Variants in S100A3 observed in about 807,000 individuals in gnomAD.
S100A3 encodes protein S100-A3.
A neutral mutation model predicts 8.0 loss-of-function variants in S100A3; 11 were observed. That is an observed-to-expected ratio of 1.37 (90% CI 0.86 to 2.27). The LOEUF is 2.27. Among genes scored for constraint, S100A3 ranks in the 30% most tolerant of loss-of-function variants. S100A3 has a pLI of 0.00. For missense variants in S100A3, 124 were observed against 127.1 expected (o/e 0.98, Z 0.12); for synonymous variants, 43 against 49.6 (o/e 0.87, Z 0.56).
At chr1:153,548,740 C>A (rs1352914696) in intron 1 of S100A3, among the ~76,000 whole-genome samples, 1 of 152,158 alleles carries the variant, frequency 6.6e-6, no homozygotes, top group Admixed American at 6.5e-5. Context: ...GCTGTAAACT[C>A]CTCAGAGAGA....
At position 153,548,386 on chromosome 1, in the gene S100A3, G is replaced by A. The variant is rs1277800411; in HGVS notation, c.100C>T (p.Leu34Phe). The A allele has an allele frequency of 1.2e-6, 2 of 1,613,908 alleles. No homozygotes were observed. The highest frequency in any genetic ancestry group is 2.2e-5 in the South Asian group (2 of 91,078). ...AGCTCCTTCTGCAGCAGCTCCTTGAGCTCCGCCTGGCAGAGCTTGTATTTG... is the reference window on the plus strand; with the variant it reads ...AGCTCCTTCTGCAGCAGCTCCTTGAACTCCGCCTGGCAGAGCTTGTATTTG... ...GDKYKLCQAELKELLQKELAT... is the reference protein window; with the variant it reads ...GDKYKLCQAEFKELLQKELAT... Residue 34 changes from leucine (L) to phenylalanine (F), a missense_variant, in exon 2 of 3, where the codon CTC (leucine) becomes TTC (phenylalanine). By Grantham distance (22) the Leu-to-Phe change is conservative. Coordinates refer to ENST00000368713, the MANE Select transcript of S100A3 (RefSeq NM_002960.2).
chr1:153,548,044 T>C (rs56350425), intron 2 of S100A3, among the ~76,000 whole-genome samples, 198 bp from the exon 3 acceptor site: 21,762 of 152,084 alleles, frequency 0.14, 3,060 homozygotes, highest in African/African-American at 0.37. Flanking sequence ...TCTCAGATTA[T>C]TAATCGAGCA....
At position 153,548,409 on chromosome 1, in the gene S100A3, T is replaced by A; in HGVS notation, c.77A>T (p.Lys26Ile). The change falls in exon 2 of 3, where the codon AAA becomes ATA. Residue 26 changes from lysine to isoleucine, a missense_variant. Transcript: ENST00000368713. Reference sequence around the variant, plus strand: ...GAGCTCCGCCTGGCAGAGCTTGTATTTGTCCCCACAGCGCCCTGCGTATTC... The same window carrying A: ...GAGCTCCGCCTGGCAGAGCTTGTATATGTCCCCACAGCGCCCTGCGTATTC... ...FQEYAGRCGD[K>I]YKLCQAELKE... The A allele has an allele frequency of 6.2e-7, 1 of 1,613,872 alleles. No individual in the cohort carries two copies. The highest frequency in any genetic ancestry group is 8.5e-7 in the Non-Finnish European group (1 of 1,179,950).
rs1253753198 is a variant in S100A3, at chr1:153,547,426, C to T, written c.*256G>A. 2 of 483,022 alleles carry T rather than the reference C, an allele frequency of 4.1e-6. No individual in the cohort carries two copies. The highest frequency in any genetic ancestry group is 6.8e-5 in the Admixed American group (2 of 29,334). 29.9% of individuals were successfully genotyped at this position (483,022 alleles called of 1,614,324 possible). ...GAGCCTCGAGGGCCTCAGAGCAGAT[C>T]CCGCCTCCTCCCATCCACAAGGGAG... is the stretch of plus-strand genomic sequence containing the variant. On this transcript the variant is annotated 3_prime_UTR_variant, in exon 3 of 3. Transcript: ENST00000368713. The surrounding 1 kb of genome is among the most constrained non-coding windows in gnomAD (Gnocchi z 4.0).
intron 1 of S100A3, 138 bp from the exon 2 acceptor site, chr1:153,548,628 C>T (rs1665644298): frequency 1.7e-6 from 2 of 1,152,052 alleles, no homozygotes; most frequent in Admixed American, 2.8e-5. Flanking sequence ...CAGTCTCCCC[C>T]TCCTCTGAGT....
At position 153,547,741 on chromosome 1, in the gene S100A3, A is replaced by G. The variant is rs1200306351; in HGVS notation, c.247T>C (p.Cys83Arg). The change falls in exon 3 of 3, where the codon TGT becomes CGT. Residue 83 changes from cysteine to arginine, a missense_variant. By Grantham distance (180) the Cys-to-Arg change is radical (BLOSUM62 -3). Transcript: ENST00000368713. The surrounding 1 kb of genome is among the most constrained non-coding windows in gnomAD (Gnocchi z 4.0). ...VEYVRSLACL[C>R]LYCHEYFKDC... ...TTGAAGTACTCGTGGCAGTAGAGAC[A>G]GAGGCAGGCAAGTGAGCGCACATAC... 6.2e-7 allele frequency: 1 copy of G among 1,613,970 alleles called. No individual in the cohort carries two copies. The highest frequency in any genetic ancestry group is 8.5e-7 in the Non-Finnish European group (1 of 1,179,964).
chr1:153,547,749 G>T lies in S100A3; in HGVS notation c.239C>A (p.Ala80Asp). Residue 80 changes from alanine (A) to aspartate (D), a missense_variant, in exon 3 of 3, where the codon GCC (alanine) becomes GAC (aspartate). Transcript: ENST00000368713. The surrounding 1 kb of genome is among the most constrained non-coding windows in gnomAD (Gnocchi z 4.0). ...VDFVEYVRSL[A>D]CLCLYCHEYF... ...CTCGTGGCAGTAGAGACAGAGGCAG[G>T]CAAGTGAGCGCACATACTCCACAAA... 6.2e-7 allele frequency: 1 copy of T among 1,614,074 alleles called. No individual in the cohort carries two copies. The highest frequency in any genetic ancestry group is 8.5e-7 in the Non-Finnish European group (1 of 1,179,964).
Position 153,547,584 on chromosome 1 carries a change from G to T in S100A3, c.*98C>A. The T allele has an allele frequency of 7.3e-7, 1 of 1,378,842 alleles. No homozygotes were observed. The highest frequency in any genetic ancestry group is 9.9e-7 in the Non-Finnish European group (1 of 1,006,678). 85.4% of individuals were successfully genotyped at this position (1,378,842 alleles called of 1,614,324 possible). A position where few individuals can be genotyped will look rare whatever the true frequency, so the allele number is the denominator to read the frequency against. ...GGGTTAACTGATCGCAGAAGACCTG[G>T]GCAAGTCCAGATTGAAAGGGGTACA... is the stretch of plus-strand genomic sequence containing the variant. On this transcript the variant is annotated 3_prime_UTR_variant, in exon 3 of 3. Coordinates refer to ENST00000368713, the MANE Select transcript of S100A3 (RefSeq NM_002960.2). This position sits in a 1 kb window ranked among gnomAD's most constrained non-coding sequence, Gnocchi z 4.0.
intron 2 of S100A3, 33 bp downstream of exon 2, chr1:153,548,312 G>A (rs765692957): frequency 1.8e-5 from 29 of 1,611,112 alleles, no homozygotes; most frequent in Non-Finnish European, 4.2e-6. Context: ...CCTCCCCCCG[G>A]AGGAGGAGGG....
Position 153,547,820 on chromosome 1 carries a change from GT to G in S100A3, c.167del (p.Asn56ThrfsTer4). 6.2e-7 allele frequency: 1 copy of G among 1,613,938 alleles called. No individual in the cohort carries two copies. Among genetic ancestry groups the G allele is most frequent in the Non-Finnish European group, 8.5e-7 (1 of 1,179,884 alleles). ...TGGTGTCCAGAACACTCATGAATTTGTTGTAGTCACATTCCCGAAACTCAGT... is the reference window on the plus strand; with the variant it reads ...TGGTGTCCAGAACACTCATGAATTTGTGTAGTCACATTCCCGAAACTCAGT... ...TPTEFRECDY[N>X]KFMSVLDTNK... On this transcript the variant is annotated frameshift_variant, in exon 3 of 3. Coordinates refer to ENST00000368713, the MANE Select transcript of S100A3 (RefSeq NM_002960.2). LOFTEE classifies it high-confidence loss of function. This position sits in a 1 kb window ranked among gnomAD's most constrained non-coding sequence, Gnocchi z 4.0.
chr1:153,548,428 C>G lies in S100A3; in HGVS notation c.58G>C (p.Ala20Pro). Residue 20 changes from alanine (A) to proline (P), a missense_variant, in exon 2 of 3, where the codon GCA becomes CCA. Ala to Pro is a conservative substitution (Grantham distance 27). Coordinates refer to ENST00000368713, the MANE Select transcript of S100A3 (RefSeq NM_002960.2). ...AAIVCTFQEY[A>P]GRCGDKYKLC... ...TTGTATTTGTCCCCACAGCGCCCTG[C>G]GTATTCCTGGAAGGTGCACACGATG... is the stretch of plus-strand genomic sequence containing the variant. 6.2e-7 allele frequency: 1 copy of G among 1,613,124 alleles called. No homozygotes were observed. The highest frequency in any genetic ancestry group is 8.5e-7 in the Non-Finnish European group (1 of 1,179,538).
chr1:153,548,956 G>C (rs1188816966), intron 1 of S100A3: 1 of 157,156 alleles, frequency 6.4e-6, no homozygotes, highest in Non-Finnish European at 1.4e-5. Flanking sequence ...TCAGCCCTTG[G>C]AGAAGCTAGG....
rs566984814 is a variant in S100A3, at chr1:153,547,836, C to T, written c.152G>A (p.Arg51Gln). ...CATGAATTTGTTGTAGTCACATTCC[C>T]GAAACTCAGTCTGTGCAAGGGAAGG... is the stretch of plus-strand genomic sequence containing the variant. ...ELATWTPTEFRECDYNKFMSV... is the reference protein window; with the variant it reads ...ELATWTPTEFQECDYNKFMSV... Residue 51 changes from arginine (R) to glutamine (Q), a missense_variant, in exon 3 of 3, where the codon CGG becomes CAG. By Grantham distance (43) the Arg-to-Gln change is conservative. Transcript: ENST00000368713. The surrounding 1 kb of genome is among the most constrained non-coding windows in gnomAD (Gnocchi z 4.0). The T allele has an allele frequency of 8.7e-6, 14 of 1,613,556 alleles. No homozygotes were observed. Among genetic ancestry groups the T allele is most frequent in the Admixed American group, 8.3e-5 (5 of 59,982 alleles).
Position 153,547,647 on chromosome 1 carries a change from G to T in S100A3, c.*35C>A. On this transcript the variant is annotated 3_prime_UTR_variant, in exon 3 of 3. Transcript: ENST00000368713. This position sits in a 1 kb window ranked among gnomAD's most constrained non-coding sequence, Gnocchi z 4.0. Reference sequence around the variant, plus strand: ...GGAGGGGGTGTGGGAGACATGCCCAGCCCCCGACAGCCAGCGCACCCCCTG... The same window carrying T: ...GGAGGGGGTGTGGGAGACATGCCCATCCCCCGACAGCCAGCGCACCCCCTG... 1.9e-6 allele frequency: 3 copies of T among 1,606,216 alleles called. No individual in the cohort carries two copies. The highest frequency in any genetic ancestry group is 1.7e-6 in the Non-Finnish European group (2 of 1,175,248).
Position 153,547,879 on chromosome 1 carries a change from A to G in S100A3, c.142-33T>C. The G allele has an allele frequency of 1.2e-5, 19 of 1,599,394 alleles. No individual in the cohort carries two copies. Among genetic ancestry groups the G allele is most frequent in the Non-Finnish European group, 1.6e-5 (19 of 1,169,800 alleles). On this transcript the variant is annotated intron_variant, in intron 2 of 2. Coordinates refer to ENST00000368713, the MANE Select transcript of S100A3 (RefSeq NM_002960.2). The surrounding 1 kb of genome is among the most constrained non-coding windows in gnomAD (Gnocchi z 4.0). ...AGGGAAGGGTTGGGAGAGGTAAGGGAGTAGGATGAGGAGGGCAGAACAGCC... is the reference window on the plus strand; with the variant it reads ...AGGGAAGGGTTGGGAGAGGTAAGGGGGTAGGATGAGGAGGGCAGAACAGCC...
In S100A3 at chr1:153,547,715, C is replaced by T; in HGVS notation, c.273G>A (p.Lys91=). 6.2e-7 allele frequency: 1 copy of T among 1,614,016 alleles called. No homozygotes were observed. Among genetic ancestry groups the T allele is most frequent in the South Asian group, 1.1e-5 (1 of 91,080 alleles). The change falls in exon 3 of 3, where the codon AAG becomes AAA. Residue 91 remains lysine (K), a synonymous_variant. Transcript: ENST00000368713. The surrounding 1 kb of genome is among the most constrained non-coding windows in gnomAD (Gnocchi z 4.0). ...CLCLYCHEYF[K]DCPSEPPCSQ ...AGCAGGGGGGCTCTGAGGGGCAGTCCTTGAAGTACTCGTGGCAGTAGAGAC... is the reference window on the plus strand; with the variant it reads ...AGCAGGGGGGCTCTGAGGGGCAGTCTTTGAAGTACTCGTGGCAGTAGAGAC...
chr1:153,548,543 G>A, intron 1 of S100A3, 53 bp from the exon 2 acceptor site: 1 of 1,527,746 alleles, frequency 6.5e-7, no homozygotes, highest in African/African-American at 1.4e-5. Context: ...CAGCCCCCCA[G>A]CTCACCTCTG....
chr1:153,548,345 C>A lies in S100A3; in HGVS notation c.141G>T (p.Pro47=). The A allele has an allele frequency of 1.2e-6, 2 of 1,613,646 alleles. No individual in the cohort carries two copies. Residue 47 remains proline (P), a splice_region_variant and synonymous_variant, in exon 2 of 3, where the codon CCG becomes CCT. Coordinates refer to ENST00000368713, the MANE Select transcript of S100A3 (RefSeq NM_002960.2). ...LLQKELATWT[P]TEFRECDYNK... is the part of the protein sequence containing the mutation. ...GGGGACGGACACTCTGACTGCTCAC[C>A]GGGGTCCAGGTGGCCAGCTCCTTCT...
rs762542639 is a variant in S100A3 at position 153,547,803 on chromosome 1, A to G, written c.185T>C (p.Leu62Pro). 1 of 1,614,050 alleles carries G rather than the reference A, an allele frequency of 6.2e-7. No homozygotes were observed. Among genetic ancestry groups the G allele is most frequent in the Admixed American group, 1.7e-5 (1 of 60,010 alleles). The stretch of plus-strand genomic sequence containing the variant: ...CACCTCGCAGTCCTTGTTGGTGTCC[A>G]GAACACTCATGAATTTGTTGTAGTC... ...ECDYNKFMSV[L>P]DTNKDCEVDF... The change falls in exon 3 of 3, where the codon CTG becomes CCG. Residue 62 changes from leucine (L) to proline (P), a missense_variant. Leu to Pro is a moderately conservative substitution (Grantham distance 98, BLOSUM62 -3). Transcript: ENST00000368713. This position sits in a 1 kb window ranked among gnomAD's most constrained non-coding sequence, Gnocchi z 4.0.
Sources: gnomAD v4.1 joint callset for allele counts (sites outside exome capture counted in the v4.1 genomes callset) on GRCh38, gnomAD v4.1.1 for gene constraint, Gnocchi (gnomAD v3.1) non-coding constraint, MANE v1.5 for transcripts, NCBI Gene and HGNC (gene_info 2026-07-23, HGNC 2026-07-21) for gene names.